MALRD1: variants seen among roughly 807,000 people sequenced by gnomAD.
The protein encoded by MALRD1 is MAM and LDL-receptor class A domain-containing protein 1.
Under a neutral mutation model 242.1 loss-of-function variants are expected in MALRD1, and 247 were observed. That is an observed-to-expected ratio of 1.02 (90% CI 0.92 to 1.13). MALRD1 has a LOEUF of 1.13. Ranked by LOEUF, MALRD1 falls within the 50% of genes most tolerant of loss-of-function variation. The pLI, the probability that MALRD1 is intolerant of heterozygous loss-of-function variation, is 0.00. For missense variants in MALRD1, 2,989 were observed against 2,533.1 expected (o/e 1.18, Z -3.86); for synonymous variants, 995 against 866.6 (o/e 1.15, Z -2.60).
chr10:19,558,272 T>C (rs763254853), intron 32 of MALRD1, among the ~76,000 whole-genome samples: 2 of 152,118 alleles, frequency 1.3e-5, no homozygotes, highest in Non-Finnish European at 2.9e-5. Context: ...ACTTCCAGTA[T>C]GATGTTAAAT....
rs1055520609 is a variant in MALRD1 at position 19,547,409 on chromosome 10, C to T, written c.5478+16058C>T. On this transcript the variant is annotated intron_variant, in intron 32 of 39. Coordinates refer to ENST00000454679, the MANE Select transcript of MALRD1 (RefSeq NM_001142308.3). ...CCCAGTCACTAGGGATTAGAAACTC[C>T]GAAATTTCTAAAGCTCTCTGCTTCT... Among the ~76,000 whole-genome samples, 6 of 151,914 alleles carry T rather than the reference C, an allele frequency of 3.9e-5. No homozygotes were observed. The South Asian group carries it at 6.2e-4, about 16-fold the overall frequency.
Position 19,698,917 on chromosome 10 carries a change from A to C in MALRD1, c.6314+6363A>C, listed in dbSNP as rs375022209. On this transcript the variant is annotated intron_variant, in intron 38 of 39. Coordinates refer to ENST00000454679, the MANE Select transcript of MALRD1 (RefSeq NM_001142308.3). ...AGGGACATGGGTGAAGCTGGGAACC[A>C]TTATTCTTAGCAAACTAACACAGGA... Among the ~76,000 whole-genome samples the C allele has an allele frequency of 6.6e-5, 10 of 152,290 alleles. No individual in the cohort carries two copies. The South Asian group carries it at 2.1e-3, about 32-fold the overall frequency.
chr10:19,686,897 A>T (rs771943310), intron 36 of MALRD1, among the ~76,000 whole-genome samples: 1 of 152,178 alleles, frequency 6.6e-6, no homozygotes, highest in African/African-American at 2.4e-5. Flanking sequence ...TTACAGTCAC[A>T]CTTACTAGAC....
intron 31 of MALRD1, among the ~76,000 whole-genome samples, chr10:19,513,756 A>T (rs1454987770): frequency 6.6e-6 from 1 of 151,782 alleles, no homozygotes; most frequent in Non-Finnish European, 1.5e-5. Flanking sequence ...AAGAAAAAAA[A>T]AATTATCCAA....
intron 28 of MALRD1, among the ~76,000 whole-genome samples, chr10:19,417,423 A>C (rs943182029): frequency 6.6e-6 from 1 of 152,176 alleles, no homozygotes; most frequent in East Asian, 1.9e-4. Flanking sequence ...AGTTTTTGAA[A>C]TAGCATTTTG....
chr10:19,472,307 G>A (rs1024232123), intron 29 of MALRD1, among the ~76,000 whole-genome samples: 2 of 151,964 alleles, frequency 1.3e-5, no homozygotes, highest in African/African-American at 4.8e-5. Context: ...GTTTGCTAGA[G>A]CTTTGCTGAG....
chr10:19,596,524 G>T (rs1264198332), intron 34 of MALRD1, among the ~76,000 whole-genome samples: 1 of 152,008 alleles, frequency 6.6e-6, no homozygotes, highest in African/African-American at 2.4e-5. Flanking sequence ...GGGCCCAGGA[G>T]TTTAAGCCAG....
At chr10:19,154,971 T>C (rs1292256025) in intron 11 of MALRD1, 104 bp from the exon 12 acceptor site, 1 of 551,634 alleles carries the variant, frequency 1.8e-6, no homozygotes, top group African/African-American at 1.9e-5. Context: ...TGTACTTTTC[T>C]TTAATTGATA....
intron 28 of MALRD1, among the ~76,000 whole-genome samples, chr10:19,422,024 C>T (rs962687671): frequency 6.6e-6 from 1 of 152,202 alleles, no homozygotes; most frequent in African/African-American, 2.4e-5. Flanking sequence ...CAGTAATGAG[C>T]AGAATCCTCT....
intron 18 of MALRD1, among the ~76,000 whole-genome samples, chr10:19,235,578 C>CAGAGAG (rs34117417): frequency 0.075 from 9,950 of 132,244 alleles, 414 homozygotes; most frequent in East Asian, 0.14. Flanking sequence ...CCCACACCCA[C>CAGAGAG]AGAGAGAGAG....
At chr10:19,216,115 C>CTTTTTTT (rs1203339393) in intron 18 of MALRD1, among the ~76,000 whole-genome samples, 2 of 114,312 alleles carry the variant, frequency 1.7e-5, no homozygotes, top group East Asian at 2.3e-4. Context: ...TTCTTTCTTT[C>CTTTTTTT]TTTCTTTTTT....
chr10:19,713,238 A>G (rs1205307588), intron 38 of MALRD1, among the ~76,000 whole-genome samples: 1 of 152,214 alleles, frequency 6.6e-6, no homozygotes, highest in East Asian at 1.9e-4. Context: ...TCTTATCATC[A>G]ACAGACATAA....
chr10:19,274,979 A>G (rs1466186055), intron 19 of MALRD1, among the ~76,000 whole-genome samples: 2 of 152,148 alleles, frequency 1.3e-5, no homozygotes, highest in Admixed American at 1.3e-4. Flanking sequence ...GAAAATACAA[A>G]TTGGTACAAA....
intron 31 of MALRD1, among the ~76,000 whole-genome samples, chr10:19,525,715 C>T (rs1290317073): frequency 6.6e-6 from 1 of 151,990 alleles, no homozygotes; most frequent in East Asian, 1.9e-4. Context: ...TGAAAAGTGT[C>T]CAGAAAATAT....
intron 31 of MALRD1, among the ~76,000 whole-genome samples, chr10:19,511,108 T>A (rs1292373861): frequency 6.6e-6 from 1 of 152,194 alleles, no homozygotes; most frequent in Non-Finnish European, 1.5e-5. Flanking sequence ...ATAACTTTAT[T>A]ATATTTATGC....
chr10:19,588,956 C>G (rs1288971973), intron 33 of MALRD1, among the ~76,000 whole-genome samples: 1 of 152,166 alleles, frequency 6.6e-6, no homozygotes, highest in African/African-American at 2.4e-5. Flanking sequence ...AGCAACATTT[C>G]TTAACCTGTT....
At chr10:19,680,327 T>G (rs1842313056) in intron 36 of MALRD1, among the ~76,000 whole-genome samples, 1 of 149,140 alleles carries the variant, frequency 6.7e-6, no homozygotes, top group Admixed American at 6.6e-5. Context: ...AGCTCCTGTA[T>G]TGGGTACATA....
intron 31 of MALRD1, among the ~76,000 whole-genome samples, chr10:19,510,880 C>G (rs1833372473): frequency 6.6e-6 from 1 of 152,170 alleles, no homozygotes; most frequent in Non-Finnish European, 1.5e-5. Context: ...TTGCTGAATT[C>G]TTGCAGATTA....
At chr10:19,280,563 G>A (rs531056047) in intron 20 of MALRD1, among the ~76,000 whole-genome samples, 6 of 152,232 alleles carry the variant, frequency 3.9e-5, no homozygotes, top group Middle Eastern at 3.4e-3. Flanking sequence ...GAATGTTTAG[G>A]GAGGTAGCTT....
Sources: gnomAD v4.1 joint callset for allele counts (sites outside exome capture counted in the v4.1 genomes callset) on GRCh38, gnomAD v4.1.1 for gene constraint, MANE v1.5 for transcripts, NCBI Gene and HGNC (gene_info 2026-07-23, HGNC 2026-07-21) for gene names.